Variants in TUSC3 observed in about 807,000 individuals in gnomAD.
TUSC3 encodes the protein tumor suppressor candidate 3, also known as dolichyl-diphosphooligosaccharide--protein glycosyltransferase subunit TUSC3.
A neutral mutation model predicts 44.8 loss-of-function variants in TUSC3; 45 were observed. The observed-to-expected ratio is 1.00, with a 90% CI of 0.79 to 1.29. The LOEUF (loss-of-function observed/expected upper bound fraction) is 1.29, where lower values mean the gene tolerates loss of function less well. TUSC3 is among the 50% of genes most tolerant of loss of function. TUSC3 has a pLI of 0.00. For synonymous variants in TUSC3, 212 were observed against 152.9 expected (o/e 1.39, Z -2.85); for missense variants, 519 against 437.9 (o/e 1.19, Z -1.65).
intron 1 of TUSC3, among the ~76,000 whole-genome samples, chr8:15,617,534 G>C (rs1805051771): frequency 6.6e-6 from 1 of 152,012 alleles, no homozygotes; most frequent in African/African-American, 2.4e-5. Flanking sequence ...TTCCTTATTT[G>C]TGAGTTCTTC....
intron 1 of TUSC3, among the ~76,000 whole-genome samples, chr8:15,569,555 C>T (rs1301186869): frequency 6.6e-6 from 1 of 151,906 alleles, no homozygotes; most frequent in Admixed American, 6.6e-5. Flanking sequence ...TTAGAAGGAG[C>T]GTGAGTAAAT....
chr8:15,599,820 G>T (rs1804211090), intron 1 of TUSC3, among the ~76,000 whole-genome samples: 1 of 148,926 alleles, frequency 6.7e-6, no homozygotes, highest in African/African-American at 2.5e-5. Context: ...TTGTAACTTT[G>T]TAGTGTATGT....
chr8:15,632,993 T>C (rs981321343), intron 2 of TUSC3, among the ~76,000 whole-genome samples: 1 of 152,176 alleles, frequency 6.6e-6, no homozygotes, highest in African/African-American at 2.4e-5. Flanking sequence ...GGAAATGATA[T>C]TTAGAAAGCA....
At chr8:15,813,636 T>C in the TUSC3 span, among the ~76,000 whole-genome samples, 179 of 152,342 alleles carry the variant, frequency 1.2e-3, no homozygotes, top group African/African-American at 4.1e-3. Flanking sequence ...ATGTGTCATT[T>C]TTATATATTA....
chr8:15,624,587 A>C (rs915393462), intron 2 of TUSC3, among the ~76,000 whole-genome samples: 1 of 152,286 alleles, frequency 6.6e-6, no homozygotes, highest in Admixed American at 6.5e-5. Context: ...TCATGTGCTT[A>C]TTCGTCATCT....
chr8:15,846,449 A>G, the TUSC3 span, among the ~76,000 whole-genome samples: 5 of 152,184 alleles, frequency 3.3e-5, no homozygotes, highest in African/African-American at 9.6e-5. Context: ...TATTCACAAT[A>G]CCAAAGACTT....
the TUSC3 span, among the ~76,000 whole-genome samples, chr8:15,820,736 G>C: frequency 6.6e-6 from 1 of 152,154 alleles, no homozygotes; most frequent in South Asian, 2.1e-4. Context: ...TTTTCTGTGA[G>C]ATTAGTGTTA....
Position 15,448,117 on chromosome 8 carries a change from A to ATATATATATATATTTATTTATT in TUSC3, n.91+30815_91+30816insATATATATATTTATTTATTTAT, listed in dbSNP as rs1276079521. Reference sequence around the variant, plus strand: ...TATGGTAGTGTATATACATATATATATATTTATTTATTTATTTTTTAGATG... The same window carrying ATATATATATATATTTATTTATT: ...TATGGTAGTGTATATACATATATATATATATATATATATTTATTTATTTATTTATTTATTTATTTTTTAGATG... On this transcript the variant is annotated intron_variant and non_coding_transcript_variant, in intron 1 of 5. Transcript: ENST00000503191. Among the ~76,000 whole-genome samples, 74 of 93,742 alleles carry ATATATATATATATTTATTTATT rather than the reference A, an allele frequency of 7.9e-4. 2 individuals carry two copies. The highest frequency in any genetic ancestry group is 7.0e-3 in the Middle Eastern group (1 of 142). The allele number at this position is 93,742 out of a possible 152,430, so 61.5% of individuals were successfully genotyped here. A position where few individuals can be genotyped will look rare whatever the true frequency, so the allele number is the denominator to read the frequency against.
intron 1 of TUSC3, among the ~76,000 whole-genome samples, chr8:15,541,136 T>C (rs1407050774): frequency 1.3e-5 from 2 of 152,220 alleles, no homozygotes; most frequent in African/African-American, 4.8e-5. Flanking sequence ...TTATCCTGTA[T>C]GTTTACTTTA....
chr8:15,705,119 G>C (rs1163714439), intron 6 of TUSC3, among the ~76,000 whole-genome samples: 1 of 150,752 alleles, frequency 6.6e-6, no homozygotes, highest in Non-Finnish European at 1.5e-5. Flanking sequence ...CTGGGTGCAT[G>C]ATTTTTTTTT....
chr8:15,775,738 A>C, the TUSC3 span, among the ~76,000 whole-genome samples: 186 of 107,700 alleles, frequency 1.7e-3, 1 homozygote, highest in African/African-American at 6.4e-3. Flanking sequence ...ATATATAACT[A>C]TATATTACAC....
intron 1 of TUSC3, among the ~76,000 whole-genome samples, chr8:15,458,833 A>G (rs1800300003): frequency 6.6e-6 from 1 of 152,206 alleles, no homozygotes; most frequent in African/African-American, 2.4e-5. Flanking sequence ...TTTCTAAGTT[A>G]TATTGAAAAA....
At chr8:15,558,702 C>T (rs1286350350) in intron 1 of TUSC3, among the ~76,000 whole-genome samples, 1 of 121,172 alleles carries the variant, frequency 8.3e-6, no homozygotes, top group Admixed American at 8.9e-5. Flanking sequence ...TTGGTCTATT[C>T]AGAGATTCAA....
chr8:15,811,048 G>T, the TUSC3 span, among the ~76,000 whole-genome samples: 1 of 151,854 alleles, frequency 6.6e-6, no homozygotes. Context: ...AGAGAGTGAG[G>T]AAAGGAAAGA....
chr8:15,626,400 C>G (rs1053095329), intron 2 of TUSC3, among the ~76,000 whole-genome samples: 1 of 152,216 alleles, frequency 6.6e-6, no homozygotes, highest in African/African-American at 2.4e-5. Flanking sequence ...TGGGGCAGTG[C>G]TGTGCTCCAT....
At chr8:15,585,024 T>C (rs1803537953) in intron 1 of TUSC3, among the ~76,000 whole-genome samples, 1 of 152,154 alleles carries the variant, frequency 6.6e-6, no homozygotes, top group African/African-American at 2.4e-5. Flanking sequence ...AGAAGGAATT[T>C]TGTGTTAGAA....
chr8:15,638,974 C>G lies in TUSC3; in HGVS notation c.309-11723C>G, dbSNP rs28649600. On this transcript the variant is annotated intron_variant, in intron 2 of 10. Coordinates refer to ENST00000503731, the MANE Select transcript of TUSC3 (RefSeq NM_006765.4). The stretch of plus-strand genomic sequence containing the variant: ...CAGTGATGATGATCATGTGTCGATG[C>G]TAGATCACGTGATGTTCAAGGCTTC... Among the ~76,000 whole-genome samples the G allele has an allele frequency of 8.8e-3, 1,292 of 147,350 alleles. 21 individuals carry two copies. Among genetic ancestry groups the G allele is most frequent in the African/African-American group, 0.031 (1,219 of 39,764 alleles).
rs1803488487 is a variant in TUSC3, at chr8:15,583,965, TGATA to T, written c.139-39109_139-39106del. Among the ~76,000 whole-genome samples the T allele has an allele frequency of 2.6e-5, 4 of 152,188 alleles. No homozygotes were observed. The South Asian group carries it at 6.2e-4, about 24-fold the overall frequency. Reference sequence around the variant, plus strand: ...AGCAGATGTGCTGAATTAAATCTCATGATAGATAGTGTCAGTTGTTTGTCCTCTG... The same window carrying T: ...AGCAGATGTGCTGAATTAAATCTCATGATAGTGTCAGTTGTTTGTCCTCTG... On this transcript the variant is annotated intron_variant, in intron 1 of 10. Transcript: ENST00000503731.
intron 9 of TUSC3, among the ~76,000 whole-genome samples, chr8:15,751,794 G>A (rs1381994301): frequency 2.0e-5 from 3 of 152,278 alleles, no homozygotes; most frequent in African/African-American, 4.8e-5. Context: ...CTAAGAGATC[G>A]TTCTCAAAAC....
Sources: gnomAD v4.1 joint callset for allele counts (sites outside exome capture counted in the v4.1 genomes callset) on GRCh38, gnomAD v4.1.1 for gene constraint, MANE v1.5 for transcripts, NCBI Gene and HGNC (gene_info 2026-07-23, HGNC 2026-07-21) for gene names.